NRXN3: variants seen among roughly 807,000 people sequenced by gnomAD.
NRXN3 encodes the protein neurexin III.
NRXN3 carries 32 observed loss-of-function variants against 137.6 expected under a neutral mutation model. The observed-to-expected ratio is 0.23, with a 90% CI of 0.18 to 0.31. The LOEUF (loss-of-function observed/expected upper bound fraction) is 0.31. Ranked by LOEUF, NRXN3 falls within the 10% of genes least tolerant of loss-of-function variation. NRXN3 has a pLI of 1.00. For synonymous variants in NRXN3, 798 were observed against 784.5 expected (o/e 1.02, Z -0.29); for missense variants, 1,574 against 2,062.5 (o/e 0.76, Z 4.59).
chr14:78,376,029 C>CACAT (rs896258835), intron 4 of NRXN3, among the ~76,000 whole-genome samples: 10 of 152,032 alleles, frequency 6.6e-5, no homozygotes, highest in Admixed American at 3.9e-4. Context: ...CATACACACA[C>CACAT]ACACACACTC....
intron 3 of NRXN3, among the ~76,000 whole-genome samples, chr14:78,289,084 A>C (rs2075506217): frequency 6.6e-6 from 1 of 152,212 alleles, no homozygotes; most frequent in African/African-American, 2.4e-5. Flanking sequence ...GAGAATTAGC[A>C]GCAGGATCTC....
At chr14:78,427,790 A>G (rs1294891039) in intron 4 of NRXN3, among the ~76,000 whole-genome samples, 1 of 152,214 alleles carries the variant, frequency 6.6e-6, no homozygotes, top group Non-Finnish European at 1.5e-5. Context: ...GAACACAGAT[A>G]TCACTGATGC....
chr14:79,819,957 C>T (rs1177492411), intron 20 of NRXN3, among the ~76,000 whole-genome samples: 1 of 152,030 alleles, frequency 6.6e-6, no homozygotes, highest in Non-Finnish European at 1.5e-5. Context: ...CTTCTGAGCT[C>T]CCCACCTCTG....
At chr14:79,752,660 A>G (rs1006094623) in intron 19 of NRXN3, among the ~76,000 whole-genome samples, 4 of 152,176 alleles carry the variant, frequency 2.6e-5, no homozygotes, top group African/African-American at 7.2e-5. Context: ...AGGCATGGGC[A>G]AGGACTTCAT....
At chr14:78,215,635 A>G (rs1309317581) in intron 1 of NRXN3, among the ~76,000 whole-genome samples, 1 of 152,062 alleles carries the variant, frequency 6.6e-6, no homozygotes, top group Non-Finnish European at 1.5e-5. Flanking sequence ...GAGAAGAAAA[A>G]TTCAACTGGA....
At chr14:78,978,182 A>G (rs998655186) in intron 14 of NRXN3, among the ~76,000 whole-genome samples, 3 of 152,198 alleles carry the variant, frequency 2.0e-5, no homozygotes, top group Non-Finnish European at 4.4e-5. Context: ...AGAGGAAGCC[A>G]TAAGCATCTG....
intron 4 of NRXN3, among the ~76,000 whole-genome samples, chr14:78,532,331 A>G (rs111496348): frequency 6.6e-6 from 1 of 151,380 alleles, no homozygotes; most frequent in Non-Finnish European, 1.5e-5. Flanking sequence ...CAAAAGAAAA[A>G]AAAAAAGAAA....
chr14:79,211,391 C>T (rs2067639390), intron 15 of NRXN3, among the ~76,000 whole-genome samples: 1 of 152,170 alleles, frequency 6.6e-6, no homozygotes, highest in Non-Finnish European at 1.5e-5. Flanking sequence ...ACTAACCCAT[C>T]GCATCTCTAA....
intron 15 of NRXN3, among the ~76,000 whole-genome samples, chr14:79,317,130 G>C (rs1013887348): frequency 2.0e-5 from 3 of 152,226 alleles, no homozygotes; most frequent in Middle Eastern, 3.4e-3. Context: ...TACTGAGGAG[G>C]CTGAGGCAGG....
intron 15 of NRXN3, among the ~76,000 whole-genome samples, chr14:79,322,282 GC>G (rs2090161795): frequency 6.6e-6 from 1 of 152,102 alleles, no homozygotes; most frequent in Non-Finnish European, 1.5e-5. Flanking sequence ...TTGATTAGAA[GC>G]CCTTGAATTC....
intron 6 of NRXN3, among the ~76,000 whole-genome samples, chr14:78,672,867 T>A (rs1201000194): frequency 1.3e-5 from 2 of 152,096 alleles, no homozygotes; most frequent in African/African-American, 4.8e-5. Context: ...TTTCTAAGGG[T>A]TTATTATACT....
intron 17 of NRXN3, among the ~76,000 whole-genome samples, chr14:79,686,286 G>C (rs868649769): frequency 3.7e-4 from 56 of 152,080 alleles, no homozygotes; most frequent in Middle Eastern, 3.2e-3. Context: ...ATGTCTACAG[G>C]CTCATCAGAG....
At chr14:79,009,163 T>G (rs1332739231) in intron 15 of NRXN3, among the ~76,000 whole-genome samples, 2 of 152,206 alleles carry the variant, frequency 1.3e-5, no homozygotes. Flanking sequence ...AAGTGCTTAT[T>G]AAATACTGGT....
chr14:79,216,780 A>T (rs931216052), intron 15 of NRXN3, among the ~76,000 whole-genome samples: 1 of 152,152 alleles, frequency 6.6e-6, no homozygotes, highest in African/African-American at 2.4e-5. Context: ...TATTATAGGG[A>T]CATTGTGTTA....
At chr14:78,621,833 A>G (rs2097407757) in intron 4 of NRXN3, among the ~76,000 whole-genome samples, 1 of 152,242 alleles carries the variant, frequency 6.6e-6, no homozygotes, top group Non-Finnish European at 1.5e-5. Flanking sequence ...TGTCTCTGAA[A>G]TGAAGCTGGA....
intron 2 of NRXN3, among the ~76,000 whole-genome samples, chr14:78,251,077 TC>T (rs1352283665): frequency 6.6e-6 from 1 of 152,152 alleles, no homozygotes; most frequent in Non-Finnish European, 1.5e-5. Context: ...GACCCAAGGC[TC>T]CGGAGGTAGT....
chr14:79,443,970 G>A (rs911981502), intron 15 of NRXN3, among the ~76,000 whole-genome samples: 2 of 152,158 alleles, frequency 1.3e-5, no homozygotes, highest in African/African-American at 2.4e-5. Context: ...AGCTGTTGGG[G>A]TGCTGGGTAG....
At chr14:79,269,848 G>A (rs527989106) in intron 15 of NRXN3, among the ~76,000 whole-genome samples, 1 of 152,256 alleles carries the variant, frequency 6.6e-6, no homozygotes, top group East Asian at 1.9e-4. Flanking sequence ...TTGTTAATAA[G>A]TCTACAGACA....
rs1292382814 is a variant in NRXN3 at position 79,250,276 on chromosome 14, G to A, written c.3263-216945G>A. Among the ~76,000 whole-genome samples, 3 of 152,152 alleles carry A rather than the reference G, an allele frequency of 2.0e-5. 1 individual carries two copies. The highest frequency in any genetic ancestry group is 6.6e-5 in the Admixed American group (1 of 15,266). On this transcript the variant is annotated intron_variant, in intron 15 of 20. Transcript: ENST00000335750. ...TACAGAGACTAGGCAATGTGAAGGA[G>A]AGAAATATGATGTAGGCTTTGGGAA...
Sources: gnomAD v4.1 joint callset for allele counts (sites outside exome capture counted in the v4.1 genomes callset) on GRCh38, gnomAD v4.1.1 for gene constraint, MANE v1.5 for transcripts, NCBI Gene and HGNC (gene_info 2026-07-23, HGNC 2026-07-21) for gene names.